ZC3H13: variants seen among roughly 807,000 people sequenced by gnomAD.
The protein encoded by ZC3H13 is zinc finger CCCH domain-containing protein 13.
ZC3H13 carries 64 observed loss-of-function variants against 204.1 expected under a neutral mutation model. That is an observed-to-expected ratio of 0.31 (90% CI 0.26 to 0.39). The LOEUF is 0.39. Ranked by LOEUF, ZC3H13 falls within the 10% of genes least tolerant of loss-of-function variation. The probability of loss-of-function intolerance (pLI) is 1.00; values close to 1 mark genes in which losing one functional copy is unlikely to be tolerated. For synonymous variants in ZC3H13, 667 were observed against 693.7 expected, an observed-to-expected ratio of 0.96 and a Z score of 0.60; for missense variants, 1,833 against 2,082.7, an observed-to-expected ratio of 0.88 and a Z score of 2.33.
chr13:46,000,182 T>G (rs9534276), intron 8 of ZC3H13, among the ~76,000 whole-genome samples: 113,996 of 152,062 alleles, frequency 0.75, 43,227 homozygotes, highest in African/African-American at 0.85. Flanking sequence ...CCAGCTGCAC[T>G]GGCCCCTAAC....
chr13:45,991,008 C>G (rs1334484404), intron 8 of ZC3H13, among the ~76,000 whole-genome samples: 1 of 152,086 alleles, frequency 6.6e-6, no homozygotes, highest in Admixed American at 6.6e-5. Flanking sequence ...TCTCACTATA[C>G]CCCGGTTGGT....
intron 4 of ZC3H13, among the ~76,000 whole-genome samples, chr13:46,039,166 C>G (rs1048410948): frequency 6.6e-6 from 1 of 152,100 alleles, no homozygotes; most frequent in African/African-American, 2.4e-5. Context: ...ATGCTCAGTG[C>G]CTTTGAGGGC....
At chr13:46,034,170 T>C (rs1006716838) in intron 4 of ZC3H13, among the ~76,000 whole-genome samples, 7 of 152,116 alleles carry the variant, frequency 4.6e-5, no homozygotes, top group African/African-American at 1.7e-4. Context: ...TTGGTAAGAA[T>C]ACAGAGAGAA....
At position 46,012,924 on chromosome 13, in the gene ZC3H13, C is replaced by A. The variant is rs191084370; in HGVS notation, c.449-1370G>T. Reference sequence around the variant, plus strand: ...ATAACCAAATACCCAGGTAAAACAACGGAAAGAGTAGTTAATTGAGAAGAA... The same window carrying A: ...ATAACCAAATACCCAGGTAAAACAAAGGAAAGAGTAGTTAATTGAGAAGAA... On this transcript the variant is annotated intron_variant, in intron 5 of 18. Coordinates refer to ENST00000679008, the MANE Select transcript of ZC3H13 (RefSeq NM_001330564.2). Among the ~76,000 whole-genome samples the A allele has an allele frequency of 2.6e-5, 4 of 152,094 alleles. No homozygotes were observed. In the East Asian group the frequency reaches 5.8e-4, roughly 22 times the overall value.
At chr13:46,049,304 A>ACG (rs59134401) in intron 1 of ZC3H13, among the ~76,000 whole-genome samples, 4 of 9,130 alleles carry the variant, frequency 4.4e-4, no homozygotes, top group Admixed American at 3.3e-3. Context: ...CAACAATAAT[A>ACG]CACACACACA....
intron 9 of ZC3H13, among the ~76,000 whole-genome samples, chr13:45,988,160 T>G (rs1316766187): frequency 1.3e-5 from 2 of 152,168 alleles, no homozygotes; most frequent in African/African-American, 4.8e-5. Context: ...TCAAAAGACA[T>G]TAACTCAGTG....
intron 5 of ZC3H13, among the ~76,000 whole-genome samples, chr13:46,018,064 C>G (rs77701779): frequency 3.7e-4 from 57 of 152,204 alleles, no homozygotes; most frequent in African/African-American, 1.4e-3. Flanking sequence ...ACACAGAATA[C>G]AAGGAGCCTC....
At chr13:46,035,721 T>C (rs1264122238) in intron 4 of ZC3H13, among the ~76,000 whole-genome samples, 1 of 152,250 alleles carries the variant, frequency 6.6e-6, no homozygotes, top group Non-Finnish European at 1.5e-5. Flanking sequence ...TGTTTTATTA[T>C]TTCCAAAGAA....
Position 45,983,426 on chromosome 13 carries a change from T to A in ZC3H13, c.1720+1871A>T, listed in dbSNP as rs1465254808. On this transcript the variant is annotated intron_variant, in intron 10 of 18. Transcript: ENST00000679008. Reference sequence around the variant, plus strand: ...TTATATATATATATTTTTTTTTTTTTTTTTTTTTTTTTTTTTTTGAGACGG... The same window carrying A: ...TTATATATATATATTTTTTTTTTTTATTTTTTTTTTTTTTTTTTGAGACGG... 1.2e-3 allele frequency among the ~76,000 whole-genome samples: 86 copies of A among 72,456 alleles called. 4 individuals are homozygous for A. Among genetic ancestry groups the A allele is most frequent in the African/African-American group, 5.2e-3 (67 of 12,800 alleles). 47.5% of individuals were successfully genotyped at this position (72,456 alleles called of 152,430 possible). A position where few individuals can be genotyped will look rare whatever the true frequency, so the allele number is the denominator to read the frequency against.
chr13:46,002,076 A>G (rs1277345430), intron 8 of ZC3H13, among the ~76,000 whole-genome samples: 2 of 152,202 alleles, frequency 1.3e-5, no homozygotes, highest in Non-Finnish European at 2.9e-5. Flanking sequence ...AAATAACCCA[A>G]TTAAAAAATG....
At chr13:45,960,514 A>G (rs1951603774) in intron 17 of ZC3H13, among the ~76,000 whole-genome samples, 1 of 152,212 alleles carries the variant, frequency 6.6e-6, no homozygotes, top group African/African-American at 2.4e-5. Flanking sequence ...AAAACCTGGG[A>G]CAATGTATTA....
chr13:46,022,038 T>C (rs760823792), intron 4 of ZC3H13, among the ~76,000 whole-genome samples: 3 of 151,964 alleles, frequency 2.0e-5, no homozygotes, highest in African/African-American at 4.8e-5. Context: ...AGAGCAGTAG[T>C]GCTGGTGCTG....
At chr13:45,985,267 T>C (rs1954070543) in intron 10 of ZC3H13, 30 bp downstream of exon 10, 1 of 1,546,380 alleles carries the variant, frequency 6.5e-7, no homozygotes, top group Admixed American at 2.0e-5. Flanking sequence ...CTATATAAGA[T>C]ATAGTTCATA....
At chr13:45,984,158 A>C (rs1370778349) in intron 10 of ZC3H13, among the ~76,000 whole-genome samples, 1 of 152,258 alleles carries the variant, frequency 6.6e-6, no homozygotes, top group Non-Finnish European at 1.5e-5. Flanking sequence ...CTAGTTGAAA[A>C]TAGTAGGATA....
chr13:46,042,326 A>T, intron 3 of ZC3H13, 51 bp from the exon 4 acceptor site: 1 of 1,287,546 alleles, frequency 7.8e-7, no homozygotes, highest in Non-Finnish European at 1.1e-6. Flanking sequence ...AAACAACAAA[A>T]ATCTGTATTT....
intron 18 of ZC3H13, among the ~76,000 whole-genome samples, chr13:45,958,035 A>G (rs944340435): frequency 1.3e-5 from 2 of 152,234 alleles, no homozygotes; most frequent in African/African-American, 4.8e-5. Flanking sequence ...ATCAGGGAGC[A>G]AAGGAGAATG....
intron 1 of ZC3H13, among the ~76,000 whole-genome samples, chr13:46,048,764 A>G (rs1429049729): frequency 6.6e-6 from 1 of 152,016 alleles, no homozygotes; most frequent in Non-Finnish European, 1.5e-5. Flanking sequence ...TCACCTACAT[A>G]GTAATTATCC....
At chr13:45,970,891 T>C (rs1952528501) in intron 12 of ZC3H13, among the ~76,000 whole-genome samples, 1 of 152,208 alleles carries the variant, frequency 6.6e-6, no homozygotes, top group South Asian at 2.1e-4. Flanking sequence ...AAAAAAGCTA[T>C]GAGTTCAACT....
intron 10 of ZC3H13, among the ~76,000 whole-genome samples, chr13:45,980,463 G>A (rs1036061088): frequency 2.0e-5 from 3 of 152,144 alleles, no homozygotes; most frequent in Non-Finnish European, 4.4e-5. Flanking sequence ...ATTAACAGAT[G>A]TGGGAAACAA....
Sources: gnomAD v4.1 joint callset for allele counts (sites outside exome capture counted in the v4.1 genomes callset) on GRCh38, gnomAD v4.1.1 for gene constraint, MANE v1.5 for transcripts, NCBI Gene and HGNC (gene_info 2026-07-23, HGNC 2026-07-21) for gene names.